FLT3: variants seen among roughly 807,000 people sequenced by gnomAD.
FLT3 encodes receptor-type tyrosine-protein kinase FLT3.
In FLT3, 46 loss-of-function variants were observed where a neutral mutation model predicts 126.6. The observed-to-expected ratio is 0.36, with a 90% confidence interval of 0.29 to 0.46. The LOEUF (loss-of-function observed/expected upper bound fraction) is 0.46. Ranked by LOEUF, FLT3 falls within the 20% of genes least tolerant of loss-of-function variation. The probability of loss-of-function intolerance (pLI) is 1.00; values close to 1 mark genes in which losing one functional copy is unlikely to be tolerated. For missense variants in FLT3, 1,069 were observed against 1,190.3 expected, an observed-to-expected ratio of 0.90 and a Z score of 1.50; for synonymous variants, 404 against 434.4, an observed-to-expected ratio of 0.93 and a Z score of 0.87.
At chr13:28,091,379 G>A (rs1438705700) in intron 1 of FLT3, among the ~76,000 whole-genome samples, 59 of 148,906 alleles carry the variant, frequency 4.0e-4, no homozygotes, top group Non-Finnish European at 5.4e-4. Flanking sequence ...CCGCCACCAC[G>A]CCCGGCTAAT....
chr13:28,061,654 C>T (rs1876574833), intron 3 of FLT3, among the ~76,000 whole-genome samples: 1 of 151,826 alleles, frequency 6.6e-6, no homozygotes, highest in Non-Finnish European at 1.5e-5. Context: ...CCTGTAGTCC[C>T]AGCTACTTGG....
At chr13:28,007,728 A>T (rs1459178091) in intron 23 of FLT3, among the ~76,000 whole-genome samples, 2 of 152,212 alleles carry the variant, frequency 1.3e-5, no homozygotes, top group African/African-American at 2.4e-5. Flanking sequence ...GCCTCAATTT[A>T]CTAGTCTGCT....
chr13:28,089,760 A>C (rs1481834849), intron 1 of FLT3, among the ~76,000 whole-genome samples: 1 of 147,722 alleles, frequency 6.8e-6, no homozygotes, highest in Non-Finnish European at 1.5e-5. Context: ...TTTGAGATGG[A>C]GTCTTGCTGT....
chr13:28,008,880 A>G (rs940652541), intron 23 of FLT3, among the ~76,000 whole-genome samples: 1 of 152,172 alleles, frequency 6.6e-6, no homozygotes. Context: ...CTAACAATGC[A>G]TGTTAACAAC....
intron 1 of FLT3, among the ~76,000 whole-genome samples, chr13:28,091,341 C>A (rs542729381): frequency 6.8e-6 from 1 of 147,728 alleles, no homozygotes; most frequent in Non-Finnish European, 1.5e-5. Context: ...CCTGCCTCAG[C>A]CTCCCGAGTA....
At chr13:28,011,707 T>TCCTTCCTTTC (rs1395154262) in intron 23 of FLT3, among the ~76,000 whole-genome samples, 1 of 53,156 alleles carries the variant, frequency 1.9e-5, no homozygotes, top group Non-Finnish European at 4.9e-5. Flanking sequence ...TTCTTTCTCT[T>TCCTTCCTTTC]TTTCTCTTTC....
At chr13:28,047,083 C>A (rs1874952486) in intron 9 of FLT3, among the ~76,000 whole-genome samples, 1 of 152,042 alleles carries the variant, frequency 6.6e-6, no homozygotes, top group Non-Finnish European at 1.5e-5. Context: ...ATAGGAATCA[C>A]CAAAGGTTCT....
At chr13:28,097,893 C>G (rs1170329384) in intron 1 of FLT3, among the ~76,000 whole-genome samples, 1 of 152,144 alleles carries the variant, frequency 6.6e-6, no homozygotes, top group Non-Finnish European at 1.5e-5. Flanking sequence ...TATCATAGCT[C>G]TTAAAATATT....
At chr13:28,034,271 A>C (rs963487492) in intron 13 of FLT3, 30 bp downstream of exon 13, 27 of 1,613,278 alleles carry the variant, frequency 1.7e-5, no homozygotes, top group Non-Finnish European at 2.3e-5. Flanking sequence ...GATAGAGGAA[A>C]GAATAATGAA....
chr13:28,091,207 C>CTTTTTTTTTTTTT lies in FLT3; in HGVS notation c.43+9248_43+9260dup, dbSNP rs572410744. Among the ~76,000 whole-genome samples the CTTTTTTTTTTTTT allele has an allele frequency of 8.5e-4, 31 of 36,582 alleles. 7 individuals carry two copies. Among genetic ancestry groups the CTTTTTTTTTTTTT allele is most frequent in the African/African-American group, 1.6e-3 (14 of 8,816 alleles). The allele number at this position is 36,582 out of a possible 152,430, so 24.0% of individuals were successfully genotyped here. On this transcript the variant is annotated intron_variant, in intron 1 of 23. Coordinates refer to ENST00000241453, the MANE Select transcript of FLT3 (RefSeq NM_004119.3). ...ATTTATCCTCTTTGGGCCCCATTTT[C>CTTTTTTTTTTTTT]TTTTTTTTTTTTTTTTTTTTTTTTT...
rs776422691 is a variant in FLT3 at position 28,034,299 on chromosome 13, AC to A, written c.1704+1del. The A allele has an allele frequency of 6.2e-7, 1 of 1,613,256 alleles. No homozygotes were observed. On this transcript the variant is annotated splice_donor_variant, in intron 13 of 23. Transcript: ENST00000241453. LOFTEE classifies it high-confidence loss of function. ...ATAATGAATTTTTACCTTTGCTTTT[AC>A]CTTTTTGTACTTGTGACAAATTAGC...
chr13:28,050,305 A>G, intron 5 of FLT3, 83 bp from the exon 6 acceptor site: 4 of 1,401,856 alleles, frequency 2.9e-6, no homozygotes, highest in Non-Finnish European at 4.0e-6. Flanking sequence ...AAAGTTCTAG[A>G]GCCAGTTTTA....
At chr13:28,045,484 C>T (rs1188596513) in intron 9 of FLT3, among the ~76,000 whole-genome samples, 1 of 152,140 alleles carries the variant, frequency 6.6e-6, no homozygotes, top group Non-Finnish European at 1.5e-5. Context: ...CAGTGATATG[C>T]TGATTTCCTT....
chr13:28,044,815 A>G (rs1350341517), intron 9 of FLT3, among the ~76,000 whole-genome samples: 1 of 152,226 alleles, frequency 6.6e-6, no homozygotes, highest in Admixed American at 6.5e-5. Context: ...TGGTCCTTGC[A>G]GTGAAGAGGA....
At chr13:28,022,236 G>A (rs1186613377) in intron 19 of FLT3, among the ~76,000 whole-genome samples, 1 of 152,064 alleles carries the variant, frequency 6.6e-6, no homozygotes, top group Non-Finnish European at 1.5e-5. Context: ...AAAAGGCCGA[G>A]TGTGGTGGCT....
chr13:28,085,934 A>G (rs1878647534), intron 1 of FLT3, among the ~76,000 whole-genome samples: 1 of 152,182 alleles, frequency 6.6e-6, no homozygotes, highest in Admixed American at 6.5e-5. Context: ...GTAACATGAC[A>G]AGACCCCTTC....
At position 28,024,854 on chromosome 13, in the gene FLT3, A is replaced by G. The variant is rs1295442680; in HGVS notation, c.2290+7T>C. ...TTAAAGTGCTACTACTTAGAATAAA[A>G]TATTACCTTCAGAGTGAAATGAATT... On this transcript the variant is annotated splice_region_variant and intron_variant, in intron 18 of 23. Transcript: ENST00000241453. 6.4e-7 allele frequency: 1 copy of G among 1,570,362 alleles called. No homozygotes were observed. The highest frequency in any genetic ancestry group is 1.7e-4 in the Middle Eastern group (1 of 5,950).
chr13:28,014,825 C>G (rs1280201933), intron 22 of FLT3, among the ~76,000 whole-genome samples: 1 of 152,152 alleles, frequency 6.6e-6, no homozygotes. Flanking sequence ...AACCGGGAAG[C>G]AGGTGCCTCT....
intron 4 of FLT3, among the ~76,000 whole-genome samples, chr13:28,054,198 C>T (rs1593267096): frequency 1.3e-5 from 2 of 152,176 alleles, no homozygotes; most frequent in East Asian, 3.8e-4. Context: ...ATTTATGTTA[C>T]ACAGCAGGAT....
Sources: gnomAD v4.1 joint callset for allele counts (sites outside exome capture counted in the v4.1 genomes callset) on GRCh38, gnomAD v4.1.1 for gene constraint, MANE v1.5 for transcripts, NCBI Gene and HGNC (gene_info 2026-07-23, HGNC 2026-07-21) for gene names.